Variants in IREB2 observed in about 807,000 individuals in gnomAD.
IREB2 encodes the protein iron responsive element binding protein 2, also known as iron-responsive element-binding protein 2.
Under a neutral mutation model 118.8 loss-of-function variants are expected in IREB2, and 39 were observed. The observed-to-expected ratio is 0.33, with a 90% confidence interval of 0.25 to 0.43. IREB2 has a LOEUF of 0.43. Ranked by LOEUF, IREB2 falls within the 20% of genes least tolerant of loss-of-function variation. The pLI is 1.00. For missense variants in IREB2, 900 were observed against 1,147.3 expected (o/e 0.78, Z 3.11); for synonymous variants, 372 against 392.2 (o/e 0.95, Z 0.61).
intron 3 of IREB2, 79 bp from the exon 4 acceptor site, chr15:78,465,172 A>G: frequency 1.7e-6 from 2 of 1,167,686 alleles, no homozygotes; most frequent in Non-Finnish European, 1.2e-6. Flanking sequence ...TTAAAATATG[A>G]AAATGAAAAA....
rs917101394 is a variant in IREB2, at chr15:78,462,806, T to C, written c.107-116T>C. ...AGTTTGTCAGACTAAAAATGAATTG[T>C]TTAAATTGAGAAAACAGTGCATTTT... On this transcript the variant is annotated intron_variant, in intron 2 of 21. Coordinates refer to ENST00000258886, the MANE Select transcript of IREB2 (RefSeq NM_004136.4). 4.6e-5 allele frequency: 34 copies of C among 739,522 alleles called. No individual in the cohort carries two copies. In the African/African-American group the frequency reaches 5.8e-4, roughly 13 times the overall value. 45.8% of individuals were successfully genotyped at this position (739,522 alleles called of 1,614,324 possible).
chr15:78,481,387 C>T (rs543644793), intron 10 of IREB2, among the ~76,000 whole-genome samples: 4 of 151,458 alleles, frequency 2.6e-5, no homozygotes, highest in African/African-American at 4.9e-5. Flanking sequence ...GAGAGAATCT[C>T]GCTCTGTCAC....
At chr15:78,458,991 G>GCA (rs1487181710) in intron 2 of IREB2, among the ~76,000 whole-genome samples, 1 of 151,894 alleles carries the variant, frequency 6.6e-6, no homozygotes, top group Middle Eastern at 3.2e-3. Flanking sequence ...GTAGAGATGG[G>GCA]GTTTCCACCA....
chr15:78,490,353 T>G, intron 16 of IREB2, 69 bp from the exon 17 acceptor site: 6 of 973,030 alleles, frequency 6.2e-6, no homozygotes, highest in Non-Finnish European at 9.4e-6. Context: ...CCTTGATCAT[T>G]TTCATGCGCC....
At chr15:78,483,170 G>T in intron 10 of IREB2, 148 bp from the exon 11 acceptor site, 1 of 486,592 alleles carries the variant, frequency 2.1e-6, no homozygotes, top group Non-Finnish European at 3.6e-6. Flanking sequence ...TTATTTCTTG[G>T]GGTTGAGGGT....
chr15:78,461,246 A>G (rs922998228), intron 2 of IREB2, among the ~76,000 whole-genome samples: 2 of 152,216 alleles, frequency 1.3e-5, no homozygotes, highest in Admixed American at 6.5e-5. Flanking sequence ...TAAAGCTTAG[A>G]TGTTGCAAAA....
At position 78,439,854 on chromosome 15, in the gene IREB2, G is replaced by T; in HGVS notation, c.79G>T (p.Asp27Tyr). The T allele has an allele frequency of 6.2e-7, 1 of 1,602,654 alleles. No homozygotes were observed. Among genetic ancestry groups the T allele is most frequent in the Non-Finnish European group, 8.5e-7 (1 of 1,173,216 alleles). The change falls in exon 2 of 22, where the codon GAT becomes TAT. Residue 27 changes from aspartate (D) to tyrosine (Y), a missense_variant. By Grantham distance (160) the Asp-to-Tyr change is radical. Transcript: ENST00000258886. Reference sequence around the variant, plus strand: ...TGACAGTTCACATAAGAAGTTCTTCGATGTATCTAAACTTGGCACCAAGTA... The same window carrying T: ...TGACAGTTCACATAAGAAGTTCTTCTATGTATCTAAACTTGGCACCAAGTA... ...LNDSSHKKFF[D>Y]VSKLGTKYDV...
At chr15:78,476,502 A>G (rs2051473688) in intron 9 of IREB2, 143 bp downstream of exon 9, 2 of 574,664 alleles carry the variant, frequency 3.5e-6, no homozygotes, top group Admixed American at 3.1e-5. Flanking sequence ...AGCAAACATC[A>G]GATGTCTTTA....
intron 7 of IREB2, among the ~76,000 whole-genome samples, chr15:78,472,294 A>T (rs1470072248): frequency 6.6e-6 from 1 of 151,034 alleles, no homozygotes. Flanking sequence ...CCCTTTAGCC[A>T]CTCACCCACA....
upstream of IREB2, among the ~76,000 whole-genome samples, chr15:78,437,903 T>C (rs1293648573): frequency 1.3e-5 from 2 of 152,220 alleles, no homozygotes; most frequent in Non-Finnish European, 2.9e-5. Context: ...ATTCCGACCC[T>C]GACTCCAACA....
At chr15:78,492,889 C>T (rs577087104) in intron 18 of IREB2, among the ~76,000 whole-genome samples, 94 of 152,038 alleles carry the variant, frequency 6.2e-4, no homozygotes, top group African/African-American at 2.2e-3. Context: ...ACTTTTGTAC[C>T]TAAAAAATGA....
intron 18 of IREB2, 26 bp from the exon 19 acceptor site, chr15:78,493,883 A>G: frequency 6.3e-7 from 1 of 1,597,264 alleles, no homozygotes; most frequent in South Asian, 1.1e-5. Flanking sequence ...ATGTAATGAA[A>G]ACTGACTTTC....
chr15:78,447,512 G>T (rs1471745030), intron 2 of IREB2, among the ~76,000 whole-genome samples: 3 of 152,072 alleles, frequency 2.0e-5, no homozygotes, highest in East Asian at 3.9e-4. Flanking sequence ...TGTATTTTTA[G>T]TAGAGATGGC....
chr15:78,488,608 A>T (rs749960420), intron 15 of IREB2, 39 bp from the exon 16 acceptor site: 1 of 1,561,616 alleles, frequency 6.4e-7, no homozygotes, highest in Non-Finnish European at 8.6e-7. Context: ...TTTCAGAGTT[A>T]TTTTTTTACT....
intron 8 of IREB2, chr15:78,475,560 T>C (rs2051454648): frequency 6.6e-6 from 1 of 152,126 alleles, no homozygotes; most frequent in African/African-American, 2.4e-5. Flanking sequence ...TTTTATGCAC[T>C]GCTAAGAAAG....
intron 2 of IREB2, among the ~76,000 whole-genome samples, chr15:78,449,020 C>T (rs1029093283): frequency 2.6e-5 from 4 of 152,194 alleles, no homozygotes; most frequent in Admixed American, 1.3e-4. Flanking sequence ...ATGATAAGCA[C>T]GGAAGATAGT....
At position 78,469,533 on chromosome 15, in the gene IREB2, G is replaced by C. The variant is rs142154233; in HGVS notation, c.630-999G>C. The stretch of plus-strand genomic sequence containing the variant: ...GAGATCGGGAGTTTGAGACCAGCCT[G>C]ACTAACATGGAGAAACCCCATCTCT... On this transcript the variant is annotated intron_variant, in intron 5 of 21. Transcript: ENST00000258886. Among the ~76,000 whole-genome samples the C allele has an allele frequency of 1.2e-3, 178 of 149,790 alleles. 3 individuals carry two copies. The East Asian group carries it at 0.029, about 24-fold the overall frequency.
chr15:78,454,499 G>A (rs1326201323), intron 2 of IREB2, among the ~76,000 whole-genome samples: 1 of 152,182 alleles, frequency 6.6e-6, no homozygotes, highest in African/African-American at 2.4e-5. Flanking sequence ...GGTTTCTTGG[G>A]TTAGAGAGGA....
intron 2 of IREB2, among the ~76,000 whole-genome samples, chr15:78,461,690 C>T (rs916032911): frequency 6.6e-6 from 1 of 152,150 alleles, no homozygotes; most frequent in Non-Finnish European, 1.5e-5. Flanking sequence ...CCACCTCACC[C>T]AGTGAGCAGG....
Sources: allele counts gnomAD v4.1 joint callset (sites outside exome capture counted in the v4.1 genomes callset), GRCh38; gene constraint gnomAD v4.1.1; transcripts MANE v1.5; gene names NCBI Gene and HGNC (gene_info 2026-07-23, HGNC 2026-07-21).